The following P2RY13 variants were observed in gnomAD, a reference collection of about 807,000 sequenced individuals.
P2RY13 encodes purinergic receptor P2Y13, also known as P2Y purinoceptor 13.
For synonymous variants in P2RY13, 150 were observed against 155.1 expected (o/e 0.97, Z 0.24); for missense variants, 412 against 418.4 (o/e 0.98, Z 0.13).
At position 151,328,111 on chromosome 3, in the gene P2RY13, TA is replaced by T; in HGVS notation, c.944del (p.Leu315Ter). On this transcript the variant is annotated frameshift_variant, in exon 2 of 2. Coordinates refer to ENST00000325602, the MANE Select transcript of P2RY13 (RefSeq NM_176894.3). LOFTEE classifies it low-confidence loss of function (END_TRUNC). ...LAATNICMDP[L>X]IYIFLCKKFT... Reference sequence around the variant, plus strand: ...ATTTTTTACATAAGAATATGTATATTAAGGGATCCATACAAATGTTAGTTGC... The same window carrying T: ...ATTTTTTACATAAGAATATGTATATTAGGGATCCATACAAATGTTAGTTGC... 1 of 1,612,222 alleles carries T rather than the reference TA, an allele frequency of 6.2e-7. No homozygotes were observed. The highest frequency in any genetic ancestry group is 8.5e-7 in the Non-Finnish European group (1 of 1,179,038).
Position 151,327,939 on chromosome 3 carries a change from A to T in P2RY13, c.*52T>A. 7.8e-7 allele frequency: 1 copy of T among 1,275,854 alleles called. No homozygotes were observed. The highest frequency in any genetic ancestry group is 1.7e-5 in the South Asian group (1 of 59,834). 79.0% of individuals were successfully genotyped at this position (1,275,854 alleles called of 1,614,324 possible). A position where few individuals can be genotyped will look rare whatever the true frequency, so the allele number is the denominator to read the frequency against. ...TTTCTTGGTTAAATTTGATTTCCAC[A>T]TTATCTACGGAAGTCTCATCAATAA... On this transcript the variant is annotated 3_prime_UTR_variant, in exon 2 of 2. Transcript: ENST00000325602.
rs1277334026 is a variant in P2RY13, at chr3:151,328,840, G to C, written c.216C>G (p.Ile72Met). 5.6e-6 allele frequency: 9 copies of C among 1,613,866 alleles called. No individual in the cohort carries two copies. Among genetic ancestry groups the C allele is most frequent in the Non-Finnish European group, 7.6e-6 (9 of 1,179,932 alleles). ...AGATGATGAAGGTGGAGGAGCTGGG[G>C]ATGTGAACAAACACCCACAGAGCCA... is the stretch of plus-strand genomic sequence containing the variant. ...NTLALWVFVHIPSSSTFIIYL... is the reference protein window; with the variant it reads ...NTLALWVFVHMPSSSTFIIYL... Residue 72 changes from isoleucine to methionine, a missense_variant, in exon 2 of 2, where the codon ATC becomes ATG. Ile to Met is a conservative substitution (Grantham distance 10). Transcript: ENST00000325602.
In P2RY13 at chr3:151,326,974, C is replaced by CA. The variant is rs1227675667; in HGVS notation, c.*1016dup. Reference sequence around the variant, plus strand: ...ATGGATGTTACTGATTGTGGGTCAGCAATTACGTCTTTGTATGTATCGAGA... The same window carrying CA: ...ATGGATGTTACTGATTGTGGGTCAGCAAATTACGTCTTTGTATGTATCGAGA... On this transcript the variant is annotated 3_prime_UTR_variant, in exon 2 of 2. Transcript: ENST00000325602. 1 of 152,172 alleles carries CA rather than the reference C, an allele frequency of 6.6e-6. No homozygotes were observed. Among genetic ancestry groups the CA allele is most frequent in the African/African-American group, 2.4e-5 (1 of 41,430 alleles). The allele number at this position is 152,172 out of a possible 1,614,324, so 9.4% of individuals were successfully genotyped here. A position where few individuals can be genotyped will look rare whatever the true frequency, so the allele number is the denominator to read the frequency against.
rs1379145180 is a variant in P2RY13 at position 151,328,730 on chromosome 3, C to G, written c.326G>C (p.Trp109Ser). The change falls in exon 2 of 2, where the codon TGG becomes TCG. Residue 109 changes from tryptophan (W) to serine (S), a missense_variant. By Grantham distance (177) the Trp-to-Ser change is radical. Coordinates refer to ENST00000325602, the MANE Select transcript of P2RY13 (RefSeq NM_176894.3). ...KILSDSHLAP[W>S]QLRAFVCRFS... is the part of the protein sequence containing the mutation. Reference sequence around the variant, plus strand: ...ACGACACACAAAAGCTCTGAGCTGCCAGGGTGCCAGGTGTGAGTCAGAGAG... The same window carrying G: ...ACGACACACAAAAGCTCTGAGCTGCGAGGGTGCCAGGTGTGAGTCAGAGAG... 6.2e-7 allele frequency: 1 copy of G among 1,613,934 alleles called. No individual in the cohort carries two copies. The highest frequency in any genetic ancestry group is 1.7e-5 in the Admixed American group (1 of 59,986).
Position 151,329,485 on chromosome 3 carries a change from G to A in P2RY13, c.44C>T (p.Pro15Leu), listed in dbSNP as rs2149873581. The change falls in exon 1 of 2, where the codon CCA becomes CTA. Residue 15 changes from proline to leucine, a missense_variant. Transcript: ENST00000325602. Reference sequence around the variant, plus strand: ...ATAACAAAAATTGAAATTCACCTTTGGGAGGATACTCAGTTCTCTCTGTCT... The same window carrying A: ...ATAACAAAAATTGAAATTCACCTTTAGGAGGATACTCAGTTCTCTCTGTCT... ...IRRQRELSIL[P>L]KVTLEAMNTT... 1 of 1,542,378 alleles carries A rather than the reference G, an allele frequency of 6.5e-7. No homozygotes were observed. The highest frequency in any genetic ancestry group is 2.5e-5 in the East Asian group (1 of 40,688).
chr3:151,329,405 T>C, intron 1 of P2RY13, 76 bp downstream of exon 1: 1 of 902,906 alleles, frequency 1.1e-6, no homozygotes, highest in Non-Finnish European at 1.7e-6. Context: ...ATATTAACTT[T>C]AAAGCACCTT....
At position 151,328,879 on chromosome 3, in the gene P2RY13, G is replaced by A. The variant is rs1750011049; in HGVS notation, c.177C>T (p.Ile59=). The change falls in exon 2 of 2, where the codon ATC becomes ATT. Residue 59 remains isoleucine (I), a synonymous_variant. Transcript: ENST00000325602. Reference sequence around the variant, plus strand: ...CCCACAGAGCCAAAGTATTCAGCAGGATGCCGGTCAAGAAAACCACTGTGT... The same window carrying A: ...CCCACAGAGCCAAAGTATTCAGCAGAATGCCGGTCAAGAAAACCACTGTGT... ...ALYTVVFLTG[I]LLNTLALWVF... The A allele has an allele frequency of 6.2e-7, 1 of 1,614,026 alleles. No individual in the cohort carries two copies. Among genetic ancestry groups the A allele is most frequent in the African/African-American group, 1.3e-5 (1 of 75,008 alleles).
Position 151,328,114 on chromosome 3 carries a change from G to C in P2RY13, c.942C>G (p.Pro314=), listed in dbSNP as rs2149862534. 6.2e-7 allele frequency: 1 copy of C among 1,612,276 alleles called. No homozygotes were observed. The highest frequency in any genetic ancestry group is 8.5e-7 in the Non-Finnish European group (1 of 1,179,158). ...TTTTACATAAGAATATGTATATTAA[G>C]GGATCCATACAAATGTTAGTTGCTG... The part of the protein sequence containing the change: ...FLAATNICMD[P]LIYIFLCKKF... Residue 314 remains proline (P), a synonymous_variant, in exon 2 of 2, where the codon CCC becomes CCG. Coordinates refer to ENST00000325602, the MANE Select transcript of P2RY13 (RefSeq NM_176894.3).
Position 151,327,402 on chromosome 3 carries a change from T to C in P2RY13, c.*589A>G, listed in dbSNP as rs545993682. 9.2e-5 allele frequency: 14 copies of C among 152,262 alleles called. No homozygotes were observed. The highest frequency in any genetic ancestry group is 3.1e-4 in the African/African-American group (13 of 41,522). 9.4% of individuals were successfully genotyped at this position (152,262 alleles called of 1,614,324 possible). A position where few individuals can be genotyped will look rare whatever the true frequency, so the allele number is the denominator to read the frequency against. On this transcript the variant is annotated 3_prime_UTR_variant, in exon 2 of 2. Transcript: ENST00000325602. Reference sequence around the variant, plus strand: ...ATAATGGTGCTTGTGCCTCCTATGGTATATTATTGTAATGTGAAAGAGGCT... The same window carrying C: ...ATAATGGTGCTTGTGCCTCCTATGGCATATTATTGTAATGTGAAAGAGGCT...
rs149544268 is a variant in P2RY13, at chr3:151,328,434, T to C, written c.622A>G (p.Met208Val). 6.6e-5 allele frequency: 107 copies of C among 1,613,474 alleles called. 1 individual carries two copies. The African/African-American group carries it at 1.3e-3, about 20-fold the overall frequency. Residue 208 changes from methionine to valine, a missense_variant, in exon 2 of 2, where the codon ATG (methionine) becomes GTG (valine). Physicochemically the swap from Met to Val is conservative, Grantham distance 21 (BLOSUM62 1). Transcript: ENST00000325602. ...ATAAACTGGCATATGTTATTTACCA[T>C]TTGATGCCATTTCAGCCCCAGAGGC... Reference protein sequence around the residue: ...KGPLGLKWHQMVNNICQFIFW... With the variant: ...KGPLGLKWHQVVNNICQFIFW...
In P2RY13 at chr3:151,328,043, G is replaced by T. The variant is rs1445195988; in HGVS notation, c.1013C>A (p.Ala338Glu). 1.9e-6 allele frequency: 3 copies of T among 1,603,030 alleles called. No homozygotes were observed. Among genetic ancestry groups the T allele is most frequent in the Admixed American group, 3.5e-5 (2 of 57,684 alleles). ...LPCMQGRKTTASSQENHSSQT... is the reference protein window; with the variant it reads ...LPCMQGRKTTESSQENHSSQT... ...ACTGCTATGATTTTCTTGGCTTGAT[G>T]CTGTGGTCTTTCTCCCTTGCATACA... Residue 338 changes from alanine (A) to glutamate (E), a missense_variant, in exon 2 of 2, where the codon GCA becomes GAA. Coordinates refer to ENST00000325602, the MANE Select transcript of P2RY13 (RefSeq NM_176894.3).
Position 151,328,917 on chromosome 3 carries a change from A to T in P2RY13, c.139T>A (p.Phe47Ile). 6.2e-7 allele frequency: 1 copy of T among 1,613,790 alleles called. No individual in the cohort carries two copies. The part of the protein sequence containing the change: ...PRDTRIVQLV[F>I]PALYTVVFLT... ...AAAACCACTGTGTAGAGGGCTGGGA[A>T]TACCAGCTGTACTATCCGAGTGTCT... is the stretch of plus-strand genomic sequence containing the variant. The change falls in exon 2 of 2, where the codon TTC (phenylalanine) becomes ATC (isoleucine). Residue 47 changes from phenylalanine to isoleucine, a missense_variant. Phe to Ile is a conservative substitution (Grantham distance 21, BLOSUM62 0). Transcript: ENST00000325602.
In P2RY13 at chr3:151,327,105, T is replaced by G. The variant is rs536589476; in HGVS notation, c.*886A>C. The stretch of plus-strand genomic sequence containing the variant: ...TGTCTCTCAAGAAGCTTTAACATTT[T>G]TAGCGGATGCAGTCAAGAATATAGC... On this transcript the variant is annotated 3_prime_UTR_variant, in exon 2 of 2. Coordinates refer to ENST00000325602, the MANE Select transcript of P2RY13 (RefSeq NM_176894.3). The G allele has an allele frequency of 2.8e-4, 42 of 152,322 alleles. No homozygotes were observed. The highest frequency in any genetic ancestry group is 1.0e-3 in the African/African-American group (42 of 41,560). The allele number at this position is 152,322 out of a possible 1,614,324, so 9.4% of individuals were successfully genotyped here.
Position 151,327,636 on chromosome 3 carries a change from G to T in P2RY13, c.*355C>A. On this transcript the variant is annotated 3_prime_UTR_variant, in exon 2 of 2. Coordinates refer to ENST00000325602, the MANE Select transcript of P2RY13 (RefSeq NM_176894.3). ...AAAGCAGTAGTGTTATGTGAATTGTGGAAAAGAATGTGAGAAGGTGTTTGG... is the reference window on the plus strand; with the variant it reads ...AAAGCAGTAGTGTTATGTGAATTGTTGAAAAGAATGTGAGAAGGTGTTTGG... 6.2e-6 allele frequency: 1 copy of T among 160,434 alleles called. No individual in the cohort carries two copies. Among genetic ancestry groups the T allele is most frequent in the Non-Finnish European group, 1.3e-5 (1 of 74,676 alleles). The allele number at this position is 160,434 out of a possible 1,614,324, so 9.9% of individuals were successfully genotyped here. A position where few individuals can be genotyped will look rare whatever the true frequency, so the allele number is the denominator to read the frequency against.
chr3:151,327,819 A>T lies in P2RY13; in HGVS notation c.*172T>A. ...GCATTCTCTTAGTAATGGTTCATTC[A>T]GCTTATGAATAGATCTATGTGGATT... On this transcript the variant is annotated 3_prime_UTR_variant, in exon 2 of 2. Coordinates refer to ENST00000325602, the MANE Select transcript of P2RY13 (RefSeq NM_176894.3). 2.2e-6 allele frequency: 1 copy of T among 454,036 alleles called. No individual in the cohort carries two copies. Among genetic ancestry groups the T allele is most frequent in the East Asian group, 3.4e-5 (1 of 29,832 alleles). 28.1% of individuals were successfully genotyped at this position (454,036 alleles called of 1,614,324 possible). A position where few individuals can be genotyped will look rare whatever the true frequency, so the allele number is the denominator to read the frequency against.
rs138841969 is a variant in P2RY13, at chr3:151,328,610, A to G, written c.446T>C (p.Leu149Ser). The G allele has an allele frequency of 4.8e-5, 78 of 1,613,848 alleles. No homozygotes were observed. In the African/African-American group the frequency reaches 9.6e-4, roughly 20 times the overall value. ...FDRFLKIIRP[L>S]RNIFLKKPVF... ...AGGTTTTTTTAGAAAAATATTTCTC[A>G]AAGGTCTGATGATCTTGAGGAATCT... is the stretch of plus-strand genomic sequence containing the variant. Residue 149 changes from leucine to serine, a missense_variant, in exon 2 of 2, where the codon TTG becomes TCG. Transcript: ENST00000325602.
intron 1 of P2RY13, 25 bp from the exon 2 acceptor site, chr3:151,329,032 A>G: frequency 6.8e-7 from 1 of 1,476,872 alleles, no homozygotes; most frequent in Admixed American, 2.4e-5. Flanking sequence ...CATATATACA[A>G]ACAAAAGAAA....
chr3:151,326,521 A>T lies in P2RY13; in HGVS notation c.*1470T>A, dbSNP rs1251695785. The T allele has an allele frequency of 1.3e-5, 2 of 152,458 alleles. No individual in the cohort carries two copies. The highest frequency in any genetic ancestry group is 4.8e-5 in the African/African-American group (2 of 41,422). The allele number at this position is 152,458 out of a possible 1,614,324, so 9.4% of individuals were successfully genotyped here. A position where few individuals can be genotyped will look rare whatever the true frequency, so the allele number is the denominator to read the frequency against. ...ATATTGGCCAGGTAATATTTCATGG[A>T]CCAAGTGATGACAACATAGGGTTTC... On this transcript the variant is annotated 3_prime_UTR_variant, in exon 2 of 2. Coordinates refer to ENST00000325602, the MANE Select transcript of P2RY13 (RefSeq NM_176894.3).
rs1255204365 is a variant in P2RY13 at position 151,327,782 on chromosome 3, T to A, written c.*209A>T. The stretch of plus-strand genomic sequence containing the variant: ...AGAAATAATGACCTCTAGTGGCCAT[T>A]TGTATCCTGTTGCATTCTCTTAGTA... On this transcript the variant is annotated 3_prime_UTR_variant, in exon 2 of 2. Coordinates refer to ENST00000325602, the MANE Select transcript of P2RY13 (RefSeq NM_176894.3). The A allele has an allele frequency of 2.5e-6, 1 of 402,078 alleles. No homozygotes were observed. The highest frequency in any genetic ancestry group is 3.7e-5 in the East Asian group (1 of 27,334). 24.9% of individuals were successfully genotyped at this position (402,078 alleles called of 1,614,324 possible). A position where few individuals can be genotyped will look rare whatever the true frequency, so the allele number is the denominator to read the frequency against.
Sources: gnomAD v4.1 joint callset for allele counts on GRCh38, gnomAD v4.1.1 for gene constraint, MANE v1.5 for transcripts, NCBI Gene and HGNC (gene_info 2026-07-23, HGNC 2026-07-21) for gene names.